FAM135B: variants seen among roughly 807,000 people sequenced by gnomAD.
FAM135B encodes the protein family with sequence similarity 135 member B.
Under a neutral mutation model 127.7 loss-of-function variants are expected in FAM135B, and 43 were observed. That is an observed-to-expected ratio of 0.34 (90% CI 0.26 to 0.43). The LOEUF is 0.43. FAM135B is among the 20% of genes least tolerant of loss of function. FAM135B has a pLI of 1.00. For synonymous variants in FAM135B, 670 were observed against 665.1 expected, an observed-to-expected ratio of 1.01 and a Z score of -0.11; for missense variants, 1,558 against 1,725.6, an observed-to-expected ratio of 0.90 and a Z score of 1.72.
intron 3 of FAM135B, among the ~76,000 whole-genome samples, chr8:138,308,530 T>C (rs1263825786): frequency 1.3e-5 from 2 of 152,360 alleles, no homozygotes; most frequent in East Asian, 1.9e-4. Flanking sequence ...CTGGCCACTG[T>C]GTTAATATTC....
At chr8:138,264,358 G>T (rs1261737426) in intron 4 of FAM135B, among the ~76,000 whole-genome samples, 1 of 152,202 alleles carries the variant, frequency 6.6e-6, no homozygotes, top group African/African-American at 2.4e-5. Context: ...TATCTGTCAT[G>T]AGACAACAGC....
At chr8:138,240,994 A>G (rs1820720046) in intron 7 of FAM135B, among the ~76,000 whole-genome samples, 1 of 152,180 alleles carries the variant, frequency 6.6e-6, no homozygotes, top group African/African-American at 2.4e-5. Context: ...GAGGGCCAGC[A>G]CTGGCTCTGA....
chr8:138,419,360 AG>A (rs1167540516), intron 1 of FAM135B, among the ~76,000 whole-genome samples: 2 of 152,168 alleles, frequency 1.3e-5, no homozygotes, highest in Non-Finnish European at 1.5e-5. Context: ...TCATAAAAAA[AG>A]TTCTTAGAGA....
At chr8:138,218,571 C>T (rs991065745) in intron 7 of FAM135B, among the ~76,000 whole-genome samples, 1 of 152,118 alleles carries the variant, frequency 6.6e-6, no homozygotes, top group African/African-American at 2.4e-5. Flanking sequence ...TAGAAATGTT[C>T]ATGGATGTTA....
chr8:138,171,717 A>T (rs537683994), intron 11 of FAM135B, among the ~76,000 whole-genome samples: 147 of 152,298 alleles, frequency 9.7e-4, no homozygotes, highest in African/African-American at 3.4e-3. Context: ...GTGGGCAATG[A>T]GGAAGCAGTG....
intron 1 of FAM135B, chr8:138,477,194 T>C (rs925668855): frequency 1.3e-5 from 2 of 152,246 alleles, no homozygotes; most frequent in Non-Finnish European, 2.9e-5. Flanking sequence ...TTGTCCTATG[T>C]GTCTAGTTGA....
intron 2 of FAM135B, among the ~76,000 whole-genome samples, chr8:138,349,968 C>T (rs997188246): frequency 6.6e-6 from 1 of 152,150 alleles, no homozygotes; most frequent in Non-Finnish European, 1.5e-5. Flanking sequence ...ACAATACACA[C>T]AATTTTTTGT....
chr8:138,246,953 G>C (rs1023192571), intron 6 of FAM135B, among the ~76,000 whole-genome samples: 2 of 152,206 alleles, frequency 1.3e-5, no homozygotes, highest in African/African-American at 4.8e-5. Flanking sequence ...AGAGCTTTAA[G>C]ATTTAATTAC....
At chr8:138,371,555 T>C in intron 1 of FAM135B, among the ~76,000 whole-genome samples, 1 of 152,140 alleles carries the variant, frequency 6.6e-6, no homozygotes, top group East Asian at 1.9e-4. Flanking sequence ...CAGTGAGAAG[T>C]GTCAGCATAC....
chr8:138,215,475 A>C lies in FAM135B; in HGVS notation c.670-17806T>G, dbSNP rs191591788. 1.1e-3 allele frequency among the ~76,000 whole-genome samples: 167 copies of C among 152,342 alleles called. 1 individual carries two copies. Among genetic ancestry groups the C allele is most frequent in the Non-Finnish European group, 1.8e-3 (124 of 68,036 alleles). On this transcript the variant is annotated intron_variant, in intron 7 of 19. Transcript: ENST00000395297. ...CATGATCCCTGGAAATAACTATTAC[A>C]TAGCAAAGAGAACATTAGACTTGGA... is the stretch of plus-strand genomic sequence containing the variant.
chr8:138,363,227 G>A (rs1420177420), intron 2 of FAM135B, among the ~76,000 whole-genome samples: 4 of 152,168 alleles, frequency 2.6e-5, no homozygotes, highest in African/African-American at 9.7e-5. Flanking sequence ...TTAGAGACAA[G>A]GCTGTACTTG....
chr8:138,151,267 G>A lies in FAM135B; in HGVS notation c.3208C>T (p.Pro1070Ser), dbSNP rs1818117408. 1 of 1,612,676 alleles carries A rather than the reference G, an allele frequency of 6.2e-7. No homozygotes were observed. Among genetic ancestry groups the A allele is most frequent in the Non-Finnish European group, 8.5e-7 (1 of 1,179,508 alleles). Residue 1070 changes from proline (P) to serine (S), a missense_variant, in exon 13 of 20, where the codon CCT (proline) becomes TCT (serine). Physicochemically the swap from Pro to Ser is moderately conservative, Grantham distance 74 (BLOSUM62 -1). Around this residue, in one of 5 missense-constraint regions of FAM135B, gnomAD observed 923 missense variants for 865.3 expected, o/e 1.07. Transcript: ENST00000395297. ...KQTLFPITHQ[P>S]LGSFGVVSTH... is the part of the protein sequence containing the mutation. ...GAAACAACTCCAAAGGATCCCAAAG[G>A]CTGATGGGTGATGGGAAACAGGGTC... is the stretch of plus-strand genomic sequence containing the variant.
intron 7 of FAM135B, among the ~76,000 whole-genome samples, chr8:138,235,947 A>G (rs1490084843): frequency 1.3e-5 from 2 of 152,086 alleles, no homozygotes; most frequent in African/African-American, 4.8e-5. Context: ...TGGCCAGCAC[A>G]CTCATCTCAG....
intron 9 of FAM135B, among the ~76,000 whole-genome samples, chr8:138,191,657 G>A (rs1401276032): frequency 1.3e-5 from 2 of 152,156 alleles, no homozygotes; most frequent in African/African-American, 4.8e-5. Flanking sequence ...GGAAATGTTT[G>A]TGAAATTAAT....
intron 12 of FAM135B, among the ~76,000 whole-genome samples, chr8:138,157,210 A>C (rs1206158694): frequency 6.6e-6 from 1 of 152,226 alleles, no homozygotes; most frequent in Non-Finnish European, 1.5e-5. Flanking sequence ...TGATTATCTC[A>C]ATAGATGCAG....
intron 1 of FAM135B, among the ~76,000 whole-genome samples, chr8:138,423,539 G>A (rs1252134725): frequency 6.6e-6 from 1 of 152,118 alleles, no homozygotes; most frequent in Non-Finnish European, 1.5e-5. Context: ...ATTTTCAAAG[G>A]GGAGGGAGTG....
intron 7 of FAM135B, among the ~76,000 whole-genome samples, chr8:138,224,553 A>C (rs1390024585): frequency 6.6e-6 from 1 of 152,162 alleles, no homozygotes; most frequent in Admixed American, 6.5e-5. Flanking sequence ...TATGTGACTA[A>C]AGGTTCCACA....
intron 2 of FAM135B, among the ~76,000 whole-genome samples, chr8:138,336,432 C>G (rs1191068431): frequency 1.3e-5 from 2 of 151,946 alleles, no homozygotes; most frequent in Non-Finnish European, 2.9e-5. Context: ...GATATCACCA[C>G]TGATCCCACA....
chr8:138,364,146 T>C (rs998761545), intron 2 of FAM135B, among the ~76,000 whole-genome samples: 1 of 152,152 alleles, frequency 6.6e-6, no homozygotes, highest in Non-Finnish European at 1.5e-5. Flanking sequence ...GCCCTCTCCA[T>C]GGAACACTTG....
Sources: allele counts gnomAD v4.1 joint callset (sites outside exome capture counted in the v4.1 genomes callset), GRCh38; gene constraint gnomAD v4.1.1; regional missense constraint gnomAD v4.1.1; transcripts MANE v1.5; gene names NCBI Gene and HGNC (gene_info 2026-07-23, HGNC 2026-07-21).